POLD1: variants seen among roughly 807,000 people sequenced by gnomAD.
POLD1 encodes the protein DNA polymerase delta catalytic subunit.
In POLD1, 79 loss-of-function variants were observed where a neutral mutation model predicts 129.7. The ratio of observed to expected loss-of-function variants is 0.61; its 90% CI spans 0.51 to 0.73. The LOEUF (loss-of-function observed/expected upper bound fraction) is 0.73, where lower values mean the gene tolerates loss of function less well. Among genes scored for constraint, POLD1 ranks in the 30% least tolerant of loss-of-function variants. The pLI, the probability that POLD1 is intolerant of heterozygous loss-of-function variation, is 0.00. For synonymous variants in POLD1, 714 were observed against 683.3 expected, an observed-to-expected ratio of 1.04 and a Z score of -0.70; for missense variants, 1,338 against 1,595.8, an observed-to-expected ratio of 0.84 and a Z score of 2.75.
chr19:50,395,912 A>G (rs1222613491), intron 1 of POLD1, among the ~76,000 whole-genome samples: 1 of 85,408 alleles, frequency 1.2e-5, no homozygotes. Flanking sequence ...GAGACAGGGT[A>G]TTGCCATCTT....
intron 14 of POLD1, 150 bp from the exon 15 acceptor site, chr19:50,408,635 A>T: frequency 8.4e-7 from 1 of 1,194,426 alleles, no homozygotes; most frequent in Non-Finnish European, 1.2e-6. Flanking sequence ...CTCCTGCCTC[A>T]GCCTCCCAAT....
Position 50,409,357 on chromosome 19 carries a change from G to A in POLD1, c.2006+122G>A. On this transcript the variant is annotated intron_variant, in intron 16 of 26. Transcript: ENST00000440232. The surrounding 1 kb of genome is among the most constrained non-coding windows in gnomAD (Gnocchi z 5.8). ...CCTGCCCTCAGCTGTGCGTGAATTA[G>A]CACAAGGCATCCCCTCCTGGCAGCT... The A allele has an allele frequency of 8.1e-7, 1 of 1,241,658 alleles. No homozygotes were observed. The highest frequency in any genetic ancestry group is 1.2e-6 in the Non-Finnish European group (1 of 865,106). 76.9% of individuals were successfully genotyped at this position (1,241,658 alleles called of 1,614,324 possible).
rs761914051 is a variant in POLD1 at position 50,406,176 on chromosome 19, C to T, written c.1243-6C>T. 1.7e-5 allele frequency: 28 copies of T among 1,611,596 alleles called. No individual in the cohort carries two copies. The highest frequency in any genetic ancestry group is 4.5e-5 in the East Asian group (2 of 44,792). On this transcript the variant is annotated splice_polypyrimidine_tract_variant and splice_region_variant and intron_variant, in intron 10 of 26. Transcript: ENST00000440232. The surrounding 1 kb of genome is among the most constrained non-coding windows in gnomAD (Gnocchi z 5.5). Reference sequence around the variant, plus strand: ...GCCTGCTGCACACCCTGCCTCTCCTCCTCAGGTACAAACATTCCCTTTCCT... The same window carrying T: ...GCCTGCTGCACACCCTGCCTCTCCTTCTCAGGTACAAACATTCCCTTTCCT...
intron 2 of POLD1, 109 bp from the exon 3 acceptor site, chr19:50,399,262 G>C: frequency 8.6e-7 from 1 of 1,158,834 alleles, no homozygotes; most frequent in Non-Finnish European, 1.3e-6. Context: ...CAAGTTTCCT[G>C]CCTGACCCAG....
chr19:50,406,993 A>G lies in POLD1; in HGVS notation c.1505A>G (p.Asp502Gly), dbSNP rs1313176102. The G allele has an allele frequency of 1.3e-6, 2 of 1,599,034 alleles. No homozygotes were observed. Among genetic ancestry groups the G allele is most frequent in the Non-Finnish European group, 1.7e-6 (2 of 1,172,588 alleles). ...SIITDLQNGN[D>G]QTRRRLAVYC... Reference sequence around the variant, plus strand: ...CGTGCCCATCCCCAGAATGGGAACGACCAGACCCGCCGCCGCCTGGCTGTG... The same window carrying G: ...CGTGCCCATCCCCAGAATGGGAACGGCCAGACCCGCCGCCGCCTGGCTGTG... The change falls in exon 13 of 27, where the codon GAC (aspartate) becomes GGC (glycine). Residue 502 changes from aspartate to glycine, a missense_variant. Asp to Gly is a moderately conservative substitution (Grantham distance 94, BLOSUM62 -1). This residue lies in a region of POLD1 where 720 missense variants were observed against 1,002.6 expected (regional missense o/e 0.72). Transcript: ENST00000440232. The surrounding 1 kb of genome is among the most constrained non-coding windows in gnomAD (Gnocchi z 5.5).
intron 8 of POLD1, 115 bp downstream of exon 8, chr19:50,402,856 C>G: frequency 2.8e-6 from 4 of 1,426,504 alleles, no homozygotes; most frequent in Non-Finnish European, 3.8e-6. Flanking sequence ...CAGGAGCACC[C>G]CAGCCCATGT....
In POLD1 at chr19:50,401,944, C is replaced by T. The variant is rs1346154488; in HGVS notation, c.463+20C>T. The T allele has an allele frequency of 1.2e-6, 2 of 1,614,034 alleles. No homozygotes were observed. Among genetic ancestry groups the T allele is most frequent in the Non-Finnish European group, 1.7e-6 (2 of 1,179,930 alleles). On this transcript the variant is annotated intron_variant, in intron 4 of 26. Transcript: ENST00000440232. The stretch of plus-strand genomic sequence containing the variant: ...CCCCTGGTGAGTGGCCCCTACCCAG[C>T]CCCTCCCTGAGCCACTGGAGCCCCC...
At chr19:50,396,417 A>G (rs915896435) in intron 1 of POLD1, among the ~76,000 whole-genome samples, 6 of 150,854 alleles carry the variant, frequency 4.0e-5, no homozygotes, top group Admixed American at 2.0e-4. Flanking sequence ...TATATCTTGT[A>G]CATTGTATAT....
rs751331448 is a variant in POLD1, at chr19:50,401,927, G to A, written c.463+3G>A. The A allele has an allele frequency of 6.2e-7, 1 of 1,614,058 alleles. No homozygotes were observed. The highest frequency in any genetic ancestry group is 2.2e-5 in the East Asian group (1 of 44,858). ...CTTCTACACCCCAGCGCCCCCTGGT[G>A]AGTGGCCCCTACCCAGCCCCTCCCT... is the stretch of plus-strand genomic sequence containing the variant. On this transcript the variant is annotated splice_donor_region_variant and intron_variant, in intron 4 of 26. Coordinates refer to ENST00000440232, the MANE Select transcript of POLD1 (RefSeq NM_002691.4).
chr19:50,400,704 T>TC (rs1309897538), intron 3 of POLD1, among the ~76,000 whole-genome samples: 4 of 150,250 alleles, frequency 2.7e-5, no homozygotes, highest in Admixed American at 6.6e-5. Flanking sequence ...GCTAACTTTT[T>TC]TTTTTTTTTT....
Position 50,417,287 on chromosome 19 carries a change from A to G in POLD1, c.3218+18A>G. On this transcript the variant is annotated intron_variant, in intron 26 of 26. Transcript: ENST00000440232. ...TGCACCAGGTGTGTGCCATGTCCCG[A>G]CCCTGGGCTGCCCCGCCCCTTCCCA... 1.3e-6 allele frequency: 2 copies of G among 1,536,574 alleles called. No individual in the cohort carries two copies. Among genetic ancestry groups the G allele is most frequent in the Non-Finnish European group, 8.8e-7 (1 of 1,135,826 alleles).
Position 50,413,515 on chromosome 19 carries a change from T to C in POLD1, c.2244T>C (p.Ser748=), listed in dbSNP as rs1274607. 0.021 allele frequency: 34,210 copies of C among 1,607,560 alleles called. 4,681 individuals carry two copies. In the African/African-American group the frequency reaches 0.34, roughly 16 times the overall value. ...KYTVENGYST[S]AKVVYGDTDS... is the part of the protein sequence containing the mutation. ...CAGTGGAGAATGGCTACAGCACCAG[T>C]GCCAAGGTCGGGGGCTGCCCACCGC... The change falls in exon 18 of 27, where the codon AGT becomes AGC. Residue 748 remains serine (S), a synonymous_variant. Transcript: ENST00000440232.
Position 50,415,794 on chromosome 19 carries a change from G to T in POLD1, c.2788G>T (p.Ala930Ser), listed in dbSNP as rs144111108. ...CGTCCCCTACGTGATCATCAGTGCC[G>T]CCAAGGGTGTGGCCGCCTACATGAA... ...DRVPYVIISA[A>S]KGVAAYMKSE... Residue 930 changes from alanine (A) to serine (S), a missense_variant, in exon 22 of 27, where the codon GCC becomes TCC. Physicochemically the swap from Ala to Ser is moderately conservative, Grantham distance 99. This residue lies in a region of POLD1 where 286 missense variants were observed against 277.5 expected (regional missense o/e 1.03). Transcript: ENST00000440232. 1 of 1,560,522 alleles carries T rather than the reference G, an allele frequency of 6.4e-7. No individual in the cohort carries two copies. The highest frequency in any genetic ancestry group is 2.3e-5 in the East Asian group (1 of 43,154).
chr19:50,408,079 T>G (rs1393767302), intron 14 of POLD1, among the ~76,000 whole-genome samples: 1 of 150,434 alleles, frequency 6.6e-6, no homozygotes, highest in Non-Finnish European at 1.5e-5. Context: ...ACCCCTGTAA[T>G]CAATCCCAGC....
intron 1 of POLD1, among the ~76,000 whole-genome samples, chr19:50,391,221 C>G (rs561688005): frequency 2.6e-5 from 4 of 151,392 alleles, no homozygotes; most frequent in East Asian, 2.0e-4. Context: ...GACGGGATGG[C>G]GGCTGGGAAG....
intron 1 of POLD1, among the ~76,000 whole-genome samples, chr19:50,388,679 A>G (rs2038049339): frequency 6.6e-6 from 1 of 151,816 alleles, no homozygotes; most frequent in African/African-American, 2.4e-5. Flanking sequence ...GCCTAGATTC[A>G]CTGGCTGTTG....
At position 50,399,071 on chromosome 19, in the gene POLD1, A is replaced by G. The variant is rs1051388485; in HGVS notation, c.202+18A>G. The G allele has an allele frequency of 1.3e-6, 2 of 1,550,684 alleles. No homozygotes were observed. The highest frequency in any genetic ancestry group is 1.7e-6 in the Non-Finnish European group (2 of 1,147,134). Reference sequence around the variant, plus strand: ...TGCAGACGGTAAGGCTTGGAGTTGGAGGTTCCTGCTGCCCAACCCATTGCC... The same window carrying G: ...TGCAGACGGTAAGGCTTGGAGTTGGGGGTTCCTGCTGCCCAACCCATTGCC... On this transcript the variant is annotated intron_variant, in intron 2 of 26. Coordinates refer to ENST00000440232, the MANE Select transcript of POLD1 (RefSeq NM_002691.4).
chr19:50,391,362 G>A (rs1396920629), intron 1 of POLD1, among the ~76,000 whole-genome samples: 133 of 152,260 alleles, frequency 8.7e-4, no homozygotes, highest in African/African-American at 3.1e-3. Context: ...GGAGGTGGAG[G>A]TTGTAGCGAG....
In POLD1 at chr19:50,398,913, G is replaced by T. The variant is rs771371900; in HGVS notation, c.62G>T (p.Gly21Val). The part of the protein sequence containing the change: ...PGVPPKRARG[G>V]LWDDDDAPRP... ...GTGCCCCCAAAGCGGGCCCGTGGGGGCCTCTGGGATGATGATGATGCACCT... is the reference window on the plus strand; with the variant it reads ...GTGCCCCCAAAGCGGGCCCGTGGGGTCCTCTGGGATGATGATGATGCACCT... The change falls in exon 2 of 27, where the codon GGC becomes GTC. Residue 21 changes from glycine to valine, a missense_variant. This residue lies in a region of POLD1 where 332 missense variants were observed against 315.7 expected (regional missense o/e 1.05). Transcript: ENST00000440232. 2 of 1,598,846 alleles carry T rather than the reference G, an allele frequency of 1.3e-6. No individual in the cohort carries two copies. Among genetic ancestry groups the T allele is most frequent in the Non-Finnish European group, 1.7e-6 (2 of 1,174,164 alleles).
Sources: allele counts gnomAD v4.1 joint callset (sites outside exome capture counted in the v4.1 genomes callset), GRCh38; gene constraint gnomAD v4.1.1; regional missense constraint gnomAD v4.1.1; non-coding constraint Gnocchi (gnomAD v3.1); transcripts MANE v1.5; gene names NCBI Gene and HGNC (gene_info 2026-07-23, HGNC 2026-07-21).